Variants in NKAIN2 observed in about 807,000 individuals in gnomAD.
NKAIN2 encodes the protein sodium/potassium transporting ATPase interacting 2.
A neutral mutation model predicts 32.6 loss-of-function variants in NKAIN2; 14 were observed. The ratio of observed to expected loss-of-function variants is 0.43; its 90% confidence interval spans 0.28 to 0.67. The LOEUF (loss-of-function observed/expected upper bound fraction) is 0.67. Among genes scored for constraint, NKAIN2 ranks in the 30% least tolerant of loss-of-function variants. The pLI, the probability that NKAIN2 is intolerant of heterozygous loss-of-function variation, is 0.17. For synonymous variants in NKAIN2, 80 were observed against 87.2 expected (o/e 0.92, Z 0.46); for missense variants, 198 against 258.3 (o/e 0.77, Z 1.60).
intron 4 of NKAIN2, among the ~76,000 whole-genome samples, chr6:124,676,215 A>G (rs1562318604): frequency 6.6e-6 from 1 of 152,046 alleles, no homozygotes; most frequent in South Asian, 2.1e-4. Context: ...ATCTTCTTAA[A>G]TCTGTCATGA....
At chr6:124,695,773 G>A (rs1774468770) in intron 4 of NKAIN2, among the ~76,000 whole-genome samples, 1 of 152,194 alleles carries the variant, frequency 6.6e-6, no homozygotes, top group Non-Finnish European at 1.5e-5. Context: ...GTTCATATAG[G>A]AAGGAGGGCT....
At chr6:124,529,892 A>T (rs891271119) in intron 3 of NKAIN2, among the ~76,000 whole-genome samples, 17 of 152,242 alleles carry the variant, frequency 1.1e-4, no homozygotes, top group Non-Finnish European at 2.2e-4. Context: ...TCCAAAATGC[A>T]TACGTTGAAA....
At chr6:124,198,505 T>A (rs976105880) in intron 1 of NKAIN2, among the ~76,000 whole-genome samples, 1 of 151,828 alleles carries the variant, frequency 6.6e-6, no homozygotes, top group Admixed American at 6.6e-5. Context: ...TTCTTCTCTA[T>A]TGATAGGAAG....
chr6:124,498,348 G>T (rs1322973075), intron 3 of NKAIN2, among the ~76,000 whole-genome samples: 1 of 152,178 alleles, frequency 6.6e-6, no homozygotes, highest in Non-Finnish European at 1.5e-5. Flanking sequence ...AAAGGAAAGG[G>T]CCTGGAAGGA....
intron 3 of NKAIN2, among the ~76,000 whole-genome samples, chr6:124,599,695 A>G (rs188915227): frequency 2.2e-3 from 339 of 152,246 alleles, no homozygotes; most frequent in Middle Eastern, 0.02. Context: ...TGTGAATATC[A>G]TTGAATGGCT....
chr6:124,215,338 TAATC>T (rs1562427182), intron 1 of NKAIN2, among the ~76,000 whole-genome samples: 3 of 152,050 alleles, frequency 2.0e-5, no homozygotes, highest in Admixed American at 6.6e-5. Flanking sequence ...ATTTTTATAA[TAATC>T]AAATATAATA....
At chr6:123,858,350 A>G (rs1232186667) in intron 1 of NKAIN2, among the ~76,000 whole-genome samples, 1 of 152,086 alleles carries the variant, frequency 6.6e-6, no homozygotes, top group East Asian at 1.9e-4. Flanking sequence ...TCCCGACCTC[A>G]GGTGATCTGC....
At chr6:124,317,518 C>A (rs1030303705) in intron 2 of NKAIN2, among the ~76,000 whole-genome samples, 1 of 152,016 alleles carries the variant, frequency 6.6e-6, no homozygotes, top group Non-Finnish European at 1.5e-5. Flanking sequence ...GCAGGGTGCT[C>A]TCATTGTTTT....
intron 3 of NKAIN2, among the ~76,000 whole-genome samples, chr6:124,416,128 G>A (rs1022898426): frequency 6.6e-6 from 1 of 151,908 alleles, no homozygotes; most frequent in African/African-American, 2.4e-5. Context: ...ACAAGCATAA[G>A]AAAACCCTGA....
chr6:124,055,083 T>G lies in NKAIN2; in HGVS notation c.55-227922T>G, dbSNP rs541520177. Reference sequence around the variant, plus strand: ...ATTTCAAATACTATATCACCTAGATTGTCTTATATATTGCTCATATTTTAA... The same window carrying G: ...ATTTCAAATACTATATCACCTAGATGGTCTTATATATTGCTCATATTTTAA... On this transcript the variant is annotated intron_variant, in intron 1 of 6. Coordinates refer to ENST00000368417, the MANE Select transcript of NKAIN2 (RefSeq NM_001040214.3). 1.9e-4 allele frequency among the ~76,000 whole-genome samples: 29 copies of G among 152,194 alleles called. No individual in the cohort carries two copies. In the East Asian group the frequency reaches 5.2e-3, roughly 27 times the overall value.
At chr6:124,681,544 C>T (rs1427995444) in intron 4 of NKAIN2, among the ~76,000 whole-genome samples, 6 of 151,936 alleles carry the variant, frequency 3.9e-5, no homozygotes, top group Non-Finnish European at 5.9e-5. Context: ...AGATAAATAT[C>T]TTTGTACCCT....
At chr6:124,367,890 A>C (rs1173284556) in intron 3 of NKAIN2, among the ~76,000 whole-genome samples, 3 of 152,262 alleles carry the variant, frequency 2.0e-5, no homozygotes, top group African/African-American at 7.2e-5. Context: ...ATGTGGACCA[A>C]TTATTTCAAG....
At chr6:123,854,310 A>G (rs1562221002) in intron 1 of NKAIN2, among the ~76,000 whole-genome samples, 2 of 152,176 alleles carry the variant, frequency 1.3e-5, no homozygotes, top group Non-Finnish European at 2.9e-5. Flanking sequence ...ATCAAAAGAC[A>G]TTTTAATTTT....
intron 2 of NKAIN2, among the ~76,000 whole-genome samples, chr6:124,342,844 ATT>A (rs2115090109): frequency 8.4e-6 from 1 of 118,818 alleles, no homozygotes; most frequent in African/African-American, 3.4e-5. Context: ...TATTATTATT[ATT>A]ATACTTTAAG....
intron 1 of NKAIN2, among the ~76,000 whole-genome samples, chr6:124,107,182 A>T (rs1785162572): frequency 6.6e-6 from 1 of 152,190 alleles, no homozygotes; most frequent in Non-Finnish European, 1.5e-5. Context: ...GGAGCTAAGT[A>T]AGCCAGATGT....
At chr6:123,810,546 C>T (rs534741487) in intron 1 of NKAIN2, among the ~76,000 whole-genome samples, 1 of 152,262 alleles carries the variant, frequency 6.6e-6, no homozygotes, top group South Asian at 2.1e-4. Flanking sequence ...TTGCTGTTCT[C>T]ATGCATTTGG....
intron 1 of NKAIN2, among the ~76,000 whole-genome samples, chr6:124,193,296 G>T (rs1368583163): frequency 1.3e-5 from 2 of 152,184 alleles, no homozygotes; most frequent in Non-Finnish European, 2.9e-5. Context: ...AAGCAGGGCA[G>T]CAAGGGGTGT....
intron 1 of NKAIN2, among the ~76,000 whole-genome samples, chr6:124,065,442 C>A (rs1448222498): frequency 6.6e-6 from 1 of 152,062 alleles, no homozygotes; most frequent in African/African-American, 2.4e-5. Flanking sequence ...GATGGTGGTG[C>A]CTTCAGGAAG....
intron 5 of NKAIN2, among the ~76,000 whole-genome samples, chr6:124,798,606 C>T (rs952599781): frequency 6.6e-6 from 1 of 152,114 alleles, no homozygotes; most frequent in Non-Finnish European, 1.5e-5. Context: ...TCCCATTCCC[C>T]CCTCTGCCCA....
Sources: gnomAD v4.1 joint callset for allele counts (sites outside exome capture counted in the v4.1 genomes callset) on GRCh38, gnomAD v4.1.1 for gene constraint, MANE v1.5 for transcripts, NCBI Gene and HGNC (gene_info 2026-07-23, HGNC 2026-07-21) for gene names.